TRRAP: variants seen among roughly 807,000 people sequenced by gnomAD.
The protein encoded by TRRAP is transformation/transcription domain associated protein.
In TRRAP, 41 loss-of-function variants were observed where a neutral mutation model predicts 438.8. The observed-to-expected ratio is 0.09, with a 90% CI of 0.07 to 0.12. The LOEUF is 0.12. Ranked by LOEUF, TRRAP falls within the 10% of genes least tolerant of loss-of-function variation. The pLI is 1.00. For missense variants in TRRAP, 3,122 were observed against 5,055.1 expected (o/e 0.62, Z 11.60); for synonymous variants, 1,994 against 1,962.9 (o/e 1.02, Z -0.42).
chr7:99,008,032 A>G lies in TRRAP; in HGVS notation c.10754-345A>G, dbSNP rs564719421. On this transcript the variant is annotated intron_variant, in intron 69 of 72. Transcript: ENST00000456197. ...GTAGAGACGAGGTTTCACCATGTTG[A>G]CCAGGATGGTCTCGATCTCCTGACC... is the stretch of plus-strand genomic sequence containing the variant. 4.0e-4 allele frequency among the ~76,000 whole-genome samples: 61 copies of G among 150,834 alleles called. 1 individual carries two copies. The South Asian group carries it at 6.8e-3, about 17-fold the overall frequency.
intron 45 of TRRAP, among the ~76,000 whole-genome samples, chr7:98,960,013 C>G (rs1323355163): frequency 6.6e-6 from 1 of 151,264 alleles, no homozygotes; most frequent in Non-Finnish European, 1.5e-5. Context: ...CTGGCCCCAA[C>G]TACACGTAGG....
chr7:99,001,427 A>G (rs1047327805), intron 67 of TRRAP, among the ~76,000 whole-genome samples: 4 of 152,244 alleles, frequency 2.6e-5, no homozygotes, highest in South Asian at 2.1e-4. Flanking sequence ...ATCATATTTT[A>G]CTTGAAAGAA....
In TRRAP at chr7:98,967,559, A is replaced by C. The variant is rs2116693543; in HGVS notation, c.7373A>C (p.Gln2458Pro). ...TTTCTCTCTGGGCTGCGCTGTGCCCAGCCACTCATCAGGGCAAAGTTTTTC... is the reference window on the plus strand; with the variant it reads ...TTTCTCTCTGGGCTGCGCTGTGCCCCGCCACTCATCAGGGCAAAGTTTTTC... ...PAFLSGLRCA[Q>P]PLIRAKFFEV... Residue 2458 changes from glutamine to proline, a missense_variant, in exon 51 of 73, where the codon CAG becomes CCG. Gln to Pro is a moderately conservative substitution (Grantham distance 76). Coordinates refer to ENST00000456197, the MANE Select transcript of TRRAP (RefSeq NM_001375524.1). The C allele has an allele frequency of 1.2e-6, 2 of 1,614,110 alleles. No homozygotes were observed. The highest frequency in any genetic ancestry group is 2.2e-5 in the East Asian group (1 of 44,874).
chr7:98,925,333 C>T (rs1562944288), intron 22 of TRRAP, 70 bp downstream of exon 22: 1 of 1,561,616 alleles, frequency 6.4e-7, no homozygotes, highest in Non-Finnish European at 8.7e-7. Context: ...CAGAGGGCCT[C>T]CCAGGTTTCC....
At chr7:98,980,502 G>A (rs200777440) in intron 58 of TRRAP, among the ~76,000 whole-genome samples, 2 of 150,834 alleles carry the variant, frequency 1.3e-5, no homozygotes. Flanking sequence ...AAAAAAAAAA[G>A]AAAAGGCCTT....
chr7:98,907,100 G>C (rs1438602748), intron 13 of TRRAP, among the ~76,000 whole-genome samples: 1 of 151,912 alleles, frequency 6.6e-6, no homozygotes, highest in East Asian at 1.9e-4. Flanking sequence ...GAGGCGGGCA[G>C]ATCACCTGAG....
chr7:98,964,145 T>C (rs914681986), intron 47 of TRRAP, among the ~76,000 whole-genome samples: 1 of 151,310 alleles, frequency 6.6e-6, no homozygotes, highest in African/African-American at 2.4e-5. Context: ...CAATGCCAAA[T>C]ATGAAAGATA....
chr7:99,008,256 C>A, intron 69 of TRRAP, 121 bp from the exon 70 acceptor site: 1 of 1,041,570 alleles, frequency 9.6e-7, no homozygotes, highest in Non-Finnish European at 1.4e-6. Flanking sequence ...GTTCTTCCAG[C>A]TAAGCCCCCA....
At chr7:99,009,935 TG>T in intron 70 of TRRAP, among the ~76,000 whole-genome samples, 1 of 146,940 alleles carries the variant, frequency 6.8e-6, no homozygotes, top group Non-Finnish European at 1.5e-5. Context: ...TTGCCCAGGC[TG>T]GAGTGCAATG....
chr7:98,905,703 C>T (rs1223125720), intron 12 of TRRAP, among the ~76,000 whole-genome samples: 1 of 152,208 alleles, frequency 6.6e-6, no homozygotes, highest in Non-Finnish European at 1.5e-5. Context: ...GGACTCATGC[C>T]TGTGAGAACA....
chr7:99,012,283 C>T lies in TRRAP; in HGVS notation c.11550C>T (p.Asn3850=), dbSNP rs376044504. 6.2e-7 allele frequency: 1 copy of T among 1,613,406 alleles called. No individual in the cohort carries two copies. The highest frequency in any genetic ancestry group is 1.7e-5 in the Admixed American group (1 of 59,980). ...AQFEGGESKV[N]TLVAAANSLD... ...TCGAAGGCGGGGAAAGCAAGGTGAA[C>T]ACCCTGGTGGCCGCGGCAAACAGCC... The change falls in exon 73 of 73, where the codon AAC becomes AAT. Residue 3850 remains asparagine (N), a synonymous_variant. Coordinates refer to ENST00000456197, the MANE Select transcript of TRRAP (RefSeq NM_001375524.1). The surrounding 1 kb of genome is among the most constrained non-coding windows in gnomAD (Gnocchi z 5.9).
At chr7:98,918,946 A>G (rs187731973) in intron 20 of TRRAP, among the ~76,000 whole-genome samples, 7 of 151,262 alleles carry the variant, frequency 4.6e-5, no homozygotes, top group Admixed American at 3.3e-4. Flanking sequence ...AATCCCAGCT[A>G]CTCAGGAGGC....
chr7:98,956,047 G>C lies in TRRAP; in HGVS notation c.5938-99G>C, dbSNP rs1285662526. The stretch of plus-strand genomic sequence containing the variant: ...GGCTGTGTGTGTATGTTGGGGCTGA[G>C]AGGCATGTCGGGGGTGTGTGTGTGC... On this transcript the variant is annotated intron_variant, in intron 41 of 72. Transcript: ENST00000456197. The surrounding 1 kb of genome is among the most constrained non-coding windows in gnomAD (Gnocchi z 4.5). 17 of 1,420,484 alleles carry C rather than the reference G, an allele frequency of 1.2e-5. No individual in the cohort carries two copies. Among genetic ancestry groups the C allele is most frequent in the Non-Finnish European group, 1.4e-5 (15 of 1,060,464 alleles). 88.0% of individuals were successfully genotyped at this position (1,420,484 alleles called of 1,614,324 possible).
rs569601119 is a variant in TRRAP, at chr7:98,897,778, A to G, written c.545A>G (p.Asn182Ser). 1 of 1,613,978 alleles carries G rather than the reference A, an allele frequency of 6.2e-7. No individual in the cohort carries two copies. Among genetic ancestry groups the G allele is most frequent in the East Asian group, 2.2e-5 (1 of 44,886 alleles). ...YFENPQVIPE[N>S]TVPPPEMVGM... Reference sequence around the variant, plus strand: ...GAGAACCCTCAAGTGATCCCCGAGAACACAGTGCCTCCCCCAGAAATGGTT... The same window carrying G: ...GAGAACCCTCAAGTGATCCCCGAGAGCACAGTGCCTCCCCCAGAAATGGTT... Residue 182 changes from asparagine to serine, a missense_variant, in exon 8 of 73, where the codon AAC becomes AGC. By Grantham distance (46) the Asn-to-Ser change is conservative. Coordinates refer to ENST00000456197, the MANE Select transcript of TRRAP (RefSeq NM_001375524.1).
At chr7:98,969,238 T>C (rs1298410515) in intron 51 of TRRAP, among the ~76,000 whole-genome samples, 1 of 152,202 alleles carries the variant, frequency 6.6e-6, no homozygotes, top group East Asian at 1.9e-4. Flanking sequence ...CAGGCTATGG[T>C]CCCCATAGCC....
chr7:98,914,333 G>A (rs1789419774), intron 18 of TRRAP, among the ~76,000 whole-genome samples: 1 of 152,154 alleles, frequency 6.6e-6, no homozygotes, highest in Admixed American at 6.6e-5. Context: ...GAGCCAGGAG[G>A]TTGAGGCTGC....
In TRRAP at chr7:98,902,923, A is replaced by AAAG. The variant is rs1421692788; in HGVS notation, c.898-454_898-453insGAA. Among the ~76,000 whole-genome samples the AAAG allele has an allele frequency of 3.6e-3, 550 of 151,372 alleles. 5 individuals are homozygous for AAAG. Among genetic ancestry groups the AAAG allele is most frequent in the Non-Finnish European group, 4.6e-3 (312 of 67,806 alleles). On this transcript the variant is annotated intron_variant, in intron 11 of 72. Transcript: ENST00000456197. ...CCCCCATTTCTAAAAAAAAAAAAAAAAAAGAAAATTAGGCATGGTGGTATG... is the reference window on the plus strand; with the variant it reads ...CCCCCATTTCTAAAAAAAAAAAAAAAAAGAAAGAAAATTAGGCATGGTGGTATG...
intron 60 of TRRAP, among the ~76,000 whole-genome samples, chr7:98,983,745 C>T (rs1793037736): frequency 6.6e-6 from 1 of 152,132 alleles, no homozygotes. Flanking sequence ...TGGCACTCTG[C>T]GTTGAAGGTC....
chr7:98,924,342 A>G (rs1339362851), intron 21 of TRRAP, among the ~76,000 whole-genome samples: 1 of 152,226 alleles, frequency 6.6e-6, no homozygotes, highest in Non-Finnish European at 1.5e-5. Context: ...TTAAAGCTGT[A>G]TTAAAGCTGT....
Sources: gnomAD v4.1 joint callset for allele counts (sites outside exome capture counted in the v4.1 genomes callset) on GRCh38, gnomAD v4.1.1 for gene constraint, Gnocchi (gnomAD v3.1) non-coding constraint, MANE v1.5 for transcripts, NCBI Gene and HGNC (gene_info 2026-07-23, HGNC 2026-07-21) for gene names.